LMO7: variants seen among roughly 807,000 people sequenced by gnomAD.
The protein encoded by LMO7 is LIM domain 7.
In LMO7, 120 loss-of-function variants were observed where a neutral mutation model predicts 206.5. That is an observed-to-expected ratio of 0.58 (90% CI 0.50 to 0.68). The LOEUF (loss-of-function observed/expected upper bound fraction) is 0.68. Ranked by LOEUF, LMO7 falls within the 30% of genes least tolerant of loss-of-function variation. LMO7 has a pLI of 0.00. For missense variants in LMO7, 1,959 were observed against 1,957.9 expected (o/e 1.00, Z -0.01); for synonymous variants, 706 against 681.5 (o/e 1.04, Z -0.56).
chr13:75,721,677 A>C (rs1051376072), intron 2 of LMO7, among the ~76,000 whole-genome samples: 1 of 152,116 alleles, frequency 6.6e-6, no homozygotes, highest in African/African-American at 2.4e-5. Context: ...ATTCCATGGT[A>C]TATGCATATA....
At position 75,711,609 on chromosome 13, in the gene LMO7, C is replaced by T. The variant is rs560760232; in HGVS notation, c.70-1573C>T. Among the ~76,000 whole-genome samples, 9 of 152,332 alleles carry T rather than the reference C, an allele frequency of 5.9e-5. No individual in the cohort carries two copies. In the South Asian group the frequency reaches 6.2e-4, roughly 11 times the overall value. Reference sequence around the variant, plus strand: ...GCCCTGCTTCGGCTCACGCTCGGTGCGCTGCACCCCCCCTGTCCTGCACCC... The same window carrying T: ...GCCCTGCTTCGGCTCACGCTCGGTGTGCTGCACCCCCCCTGTCCTGCACCC... On this transcript the variant is annotated intron_variant, in intron 1 of 30. Transcript: ENST00000377534.
Position 75,696,680 on chromosome 13 carries a change from A to G in LMO7, c.70-16502A>G, listed in dbSNP as rs149804583. Among the ~76,000 whole-genome samples the G allele has an allele frequency of 2.1e-3, 317 of 152,250 alleles. 3 individuals carry two copies. The highest frequency in any genetic ancestry group is 3.0e-3 in the Admixed American group (46 of 15,308). ...AGGCTTGGGACCATTATTTGCCCCA[A>G]GCTTCCCAAGTGGTTCTTCTACACA... On this transcript the variant is annotated intron_variant, in intron 1 of 30. Transcript: ENST00000377534.
At chr13:75,776,190 T>TATATATATATATATATATATATATATAG (rs2050452278) in intron 4 of LMO7, among the ~76,000 whole-genome samples, 1 of 101,586 alleles carries the variant, frequency 9.8e-6, no homozygotes, top group African/African-American at 3.7e-5. Flanking sequence ...TATATATATA[T>TATATATATATATATATATATATATATAG]ATATATATAT....
At chr13:75,736,431 G>T (rs1485016971) in intron 3 of LMO7, among the ~76,000 whole-genome samples, 1 of 152,196 alleles carries the variant, frequency 6.6e-6, no homozygotes, top group East Asian at 1.9e-4. Context: ...GCAGATGCCT[G>T]GAAGGGTTGT....
At chr13:75,848,431 T>TTATCTATCTATCTATCTATC (rs139984746) in intron 26 of LMO7, among the ~76,000 whole-genome samples, 119 of 150,636 alleles carry the variant, frequency 7.9e-4, no homozygotes, top group South Asian at 1.5e-3. Context: ...TTCCATGCGA[T>TTATCTATCTATCTATCTATC]TATCTATCTA....
intron 4 of LMO7, among the ~76,000 whole-genome samples, chr13:75,779,341 T>TA (rs2050972317): frequency 6.6e-6 from 1 of 151,896 alleles, no homozygotes; most frequent in Non-Finnish European, 1.5e-5. Flanking sequence ...GAGATGGGGA[T>TA]GGGGGGAGAA....
intron 3 of LMO7, among the ~76,000 whole-genome samples, chr13:75,749,648 G>C (rs1341397714): frequency 6.6e-6 from 1 of 152,168 alleles, no homozygotes; most frequent in Admixed American, 6.5e-5. Context: ...TGTTGCTCCA[G>C]CTCTGCCAAA....
intron 4 of LMO7, among the ~76,000 whole-genome samples, chr13:75,761,745 A>C (rs764317410): frequency 5.9e-5 from 9 of 152,132 alleles, no homozygotes; most frequent in Non-Finnish European, 1.2e-4. Flanking sequence ...GCTTCCAGGC[A>C]ATCAATAATC....
At chr13:75,626,577 T>TATATATATATATATGTATATA (rs71127564) in intron 2 of LMO7, among the ~76,000 whole-genome samples, 1 of 74,510 alleles carries the variant, frequency 1.3e-5, no homozygotes, top group African/African-American at 4.4e-5. Context: ...AACATATATA[T>TATATATATATATATGTATATA]TATATATATA....
At chr13:75,766,608 A>G (rs891067016) in intron 4 of LMO7, among the ~76,000 whole-genome samples, 2 of 47,736 alleles carry the variant, frequency 4.2e-5, no homozygotes, top group African/African-American at 2.0e-4. Context: ...GTAAAGATAA[A>G]TGCACAGATT....
chr13:75,737,765 A>T (rs1285904438), intron 3 of LMO7, among the ~76,000 whole-genome samples: 4 of 23,336 alleles, frequency 1.7e-4, no homozygotes, highest in South Asian at 1.6e-3. Flanking sequence ...AAAAAAAAAA[A>T]ATAAAATAAA....
intron 4 of LMO7, among the ~76,000 whole-genome samples, chr13:75,779,145 G>A (rs913194029): frequency 2.0e-5 from 3 of 152,126 alleles, no homozygotes; most frequent in Non-Finnish European, 4.4e-5. Context: ...CCTCAAGCCT[G>A]TACAACCAGG....
rs191963570 is a variant in LMO7 at position 75,766,082 on chromosome 13, A to G, written c.317+5044A>G. 9.2e-5 allele frequency among the ~76,000 whole-genome samples: 14 copies of G among 152,276 alleles called. 1 individual carries two copies. The East Asian group carries it at 2.7e-3, about 29-fold the overall frequency. On this transcript the variant is annotated intron_variant, in intron 4 of 30. Transcript: ENST00000377534. ...GTTTTGTCTCCTCTGATCAGTTAGCATTTGTTTTACAACAAGGACATTTGA... is the reference window on the plus strand; with the variant it reads ...GTTTTGTCTCCTCTGATCAGTTAGCGTTTGTTTTACAACAAGGACATTTGA...
chr13:75,680,414 A>T (rs2040378874), intron 1 of LMO7, among the ~76,000 whole-genome samples: 1 of 152,226 alleles, frequency 6.6e-6, no homozygotes, highest in South Asian at 2.1e-4. Context: ...CTGTAGACCC[A>T]GTAATGGGAT....
At chr13:75,732,496 C>G (rs1176863327) in intron 3 of LMO7, among the ~76,000 whole-genome samples, 8 of 152,172 alleles carry the variant, frequency 5.3e-5, no homozygotes, top group African/African-American at 1.4e-4. Context: ...AAGCTCTTCT[C>G]TGTATTGGTT....
intron 4 of LMO7, among the ~76,000 whole-genome samples, chr13:75,773,752 T>C (rs1373972118): frequency 1.3e-5 from 2 of 152,188 alleles, no homozygotes; most frequent in Admixed American, 6.5e-5. Context: ...AATGGAAATA[T>C]AGGCATTGTC....
intron 20 of LMO7, chr13:75,838,454 A>G: frequency 2.7e-5 from 1 of 36,440 alleles, no homozygotes; most frequent in Non-Finnish European, 6.2e-5. Flanking sequence ...TTAACTTTGT[A>G]AAAAAAAAAA....
At chr13:75,678,633 G>T (rs1046006062) in intron 1 of LMO7, among the ~76,000 whole-genome samples, 1 of 152,218 alleles carries the variant, frequency 6.6e-6, no homozygotes, top group South Asian at 2.1e-4. Context: ...ACACCTCTTC[G>T]GTGAGACCAG....
intron 1 of LMO7, among the ~76,000 whole-genome samples, chr13:75,692,841 G>A (rs1163544867): frequency 1.3e-5 from 2 of 152,190 alleles, no homozygotes; most frequent in Non-Finnish European, 2.9e-5. Flanking sequence ...TTTTATAGAA[G>A]GAGATAATAC....
Sources: allele counts gnomAD v4.1 joint callset (sites outside exome capture counted in the v4.1 genomes callset), GRCh38; gene constraint gnomAD v4.1.1; transcripts MANE v1.5; gene names NCBI Gene and HGNC (gene_info 2026-07-23, HGNC 2026-07-21).